Variants in TCP11L2 observed in about 807,000 individuals in gnomAD.
The protein encoded by TCP11L2 is T-complex protein 11-like protein 2.
Under a neutral mutation model 50.7 loss-of-function variants are expected in TCP11L2, and 39 were observed. That is an observed-to-expected ratio of 0.77 (90% CI 0.60 to 1.01). The LOEUF (loss-of-function observed/expected upper bound fraction) is 1.01. Among genes scored for constraint, TCP11L2 ranks in the 50% least tolerant of loss-of-function variants. The pLI is 0.00. For synonymous variants in TCP11L2, 192 were observed against 219.3 expected (o/e 0.88, Z 1.10); for missense variants, 612 against 614.7 (o/e 1.00, Z 0.05).
At chr12:106,319,113 T>A (rs7131743) in intron 4 of TCP11L2, among the ~76,000 whole-genome samples, 5,362 of 152,112 alleles carry the variant, frequency 0.035, 318 homozygotes, top group African/African-American at 0.12. Flanking sequence ...GGGTTTCACC[T>A]TGTTAGCCAG....
At chr12:106,311,347 A>G in intron 2 of TCP11L2, 115 bp downstream of exon 2, 1 of 1,226,586 alleles carries the variant, frequency 8.2e-7, no homozygotes. Flanking sequence ...TTCTAGATGC[A>G]CCAGAATAGC....
chr12:106,299,642 C>T (rs2034381823), upstream of TCP11L2, among the ~76,000 whole-genome samples: 1 of 152,142 alleles, frequency 6.6e-6, no homozygotes, highest in Non-Finnish European at 1.5e-5. Flanking sequence ...TAATGAGAAG[C>T]TCAGAAACTC....
intron 9 of TCP11L2, among the ~76,000 whole-genome samples, chr12:106,344,488 G>A (rs2036176905): frequency 2.0e-5 from 3 of 152,158 alleles, no homozygotes; most frequent in African/African-American, 7.2e-5. Flanking sequence ...CTTTTGGCAC[G>A]ACATTGAAGG....
At chr12:106,313,371 A>G (rs1321005741) in intron 2 of TCP11L2, among the ~76,000 whole-genome samples, 1 of 152,184 alleles carries the variant, frequency 6.6e-6, no homozygotes, top group African/African-American at 2.4e-5. Flanking sequence ...ATCTGAGGTC[A>G]GGAGTTCGAG....
chr12:106,340,286 T>C (rs1041437385), intron 8 of TCP11L2, among the ~76,000 whole-genome samples: 3 of 152,340 alleles, frequency 2.0e-5, no homozygotes, highest in African/African-American at 7.2e-5. Context: ...TTGGAGATTA[T>C]TTATCAGTTA....
chr12:106,332,322 A>C (rs1317982072), intron 6 of TCP11L2, among the ~76,000 whole-genome samples: 1 of 152,240 alleles, frequency 6.6e-6, no homozygotes, highest in South Asian at 2.1e-4. Context: ...CAAGAATTGT[A>C]AACTTACATT....
At chr12:106,329,571 A>C in intron 6 of TCP11L2, 2 of 1,400,244 alleles carry the variant, frequency 1.4e-6, no homozygotes, top group Non-Finnish European at 1.9e-6. Context: ...GAATAAATCA[A>C]AGTCTCCAGG....
intron 6 of TCP11L2, chr12:106,329,421 T>C: frequency 6.5e-7 from 1 of 1,535,602 alleles, no homozygotes; most frequent in Non-Finnish European, 8.7e-7. Flanking sequence ...GAGTGAAGTC[T>C]CTGCCGATCC....
intron 6 of TCP11L2, among the ~76,000 whole-genome samples, chr12:106,330,841 G>A (rs190621419): frequency 9.2e-5 from 14 of 152,270 alleles, no homozygotes; most frequent in Admixed American, 3.3e-4. Flanking sequence ...AACTCTGTGT[G>A]AGTTGTTTGT....
chr12:106,325,847 C>A (rs1212322881), intron 6 of TCP11L2: 1 of 135,450 alleles, frequency 7.4e-6, no homozygotes, highest in Non-Finnish European at 1.5e-5. Context: ...GCCAAGGTCG[C>A]ATCATTGCAC....
chr12:106,341,096 T>A, intron 9 of TCP11L2, 98 bp downstream of exon 9: 1 of 968,294 alleles, frequency 1.0e-6, no homozygotes, highest in Non-Finnish European at 1.6e-6. Context: ...TTAAACACAT[T>A]ACCCACTTTT....
chr12:106,310,958 C>A, intron 1 of TCP11L2, 83 bp from the exon 2 acceptor site: 1 of 1,237,070 alleles, frequency 8.1e-7, no homozygotes, highest in Non-Finnish European at 1.1e-6. Flanking sequence ...CTTGTGGGGA[C>A]AGTTGTCTAC....
chr12:106,319,228 C>G (rs752444126), intron 4 of TCP11L2, among the ~76,000 whole-genome samples: 1 of 152,158 alleles, frequency 6.6e-6, no homozygotes, highest in African/African-American at 2.4e-5. Flanking sequence ...TCTTTTATAA[C>G]AGTACAGTTC....
chr12:106,342,376 A>G (rs1051712624), intron 9 of TCP11L2, among the ~76,000 whole-genome samples: 1 of 152,160 alleles, frequency 6.6e-6, no homozygotes, highest in Non-Finnish European at 1.5e-5. Flanking sequence ...TAACAATAAC[A>G]GATTATGACC....
chr12:106,311,137 C>T lies in TCP11L2; in HGVS notation c.62C>T (p.Ser21Phe), dbSNP rs35252097. 9 of 1,614,076 alleles carry T rather than the reference C, an allele frequency of 5.6e-6. No individual in the cohort carries two copies. The highest frequency in any genetic ancestry group is 5.5e-5 in the South Asian group (5 of 91,090). The change falls in exon 2 of 10, where the codon TCC becomes TTC. Residue 21 changes from serine (S) to phenylalanine (F), a missense_variant. Physicochemically the swap from Ser to Phe is radical, Grantham distance 155 (BLOSUM62 -2). Transcript: ENST00000299045. Reference protein sequence around the residue: ...GEDQPSDSDSSRFSESMASLS... With the variant: ...GEDQPSDSDSFRFSESMASLS... Reference sequence around the variant, plus strand: ...GACCAGCCAAGCGATTCTGATTCTTCCCGGTTTTCCGAAAGCATGGCTTCG... The same window carrying T: ...GACCAGCCAAGCGATTCTGATTCTTTCCGGTTTTCCGAAAGCATGGCTTCG...
Position 106,312,603 on chromosome 12 carries a change from C to A in TCP11L2, c.157+1371C>A, listed in dbSNP as rs899013026. On this transcript the variant is annotated intron_variant, in intron 2 of 9. Coordinates refer to ENST00000299045, the MANE Select transcript of TCP11L2 (RefSeq NM_152772.3). ...TCATCTTCTCCTAAAAATTAGGTAG[C>A]CAGGCGCAGTGGCTCACACCTGTAA... 3.3e-5 allele frequency among the ~76,000 whole-genome samples: 5 copies of A among 152,120 alleles called. 1 individual carries two copies. The highest frequency in any genetic ancestry group is 7.4e-5 in the Non-Finnish European group (5 of 68,024).
At position 106,340,800 on chromosome 12, in the gene TCP11L2, G is replaced by T. The variant is rs1253608306; in HGVS notation, c.1143-26G>T. 4 of 1,548,876 alleles carry T rather than the reference G, an allele frequency of 2.6e-6. No homozygotes were observed. In the Admixed American group the frequency reaches 6.6e-5, roughly 26 times the overall value. Reference sequence around the variant, plus strand: ...ACTTGATGAACAAAAACTTTCCCTGGTGGAATTTCATTTTATGTTTCATAG... The same window carrying T: ...ACTTGATGAACAAAAACTTTCCCTGTTGGAATTTCATTTTATGTTTCATAG... On this transcript the variant is annotated intron_variant, in intron 8 of 9. Coordinates refer to ENST00000299045, the MANE Select transcript of TCP11L2 (RefSeq NM_152772.3).
intron 3 of TCP11L2, 106 bp from the exon 4 acceptor site, chr12:106,318,238 C>G (rs2035174314): frequency 7.6e-7 from 1 of 1,313,006 alleles, no homozygotes; most frequent in African/African-American, 1.5e-5. Flanking sequence ...GACAATTATT[C>G]TGTGTTTTTT....
chr12:106,316,559 C>G (rs2035090564), intron 3 of TCP11L2, among the ~76,000 whole-genome samples: 1 of 152,122 alleles, frequency 6.6e-6, no homozygotes, highest in Non-Finnish European at 1.5e-5. Context: ...TTGCTCTCCC[C>G]TTCTGAGTCT....
Sources: allele counts gnomAD v4.1 joint callset (sites outside exome capture counted in the v4.1 genomes callset), GRCh38; gene constraint gnomAD v4.1.1; transcripts MANE v1.5; gene names NCBI Gene and HGNC (gene_info 2026-07-23, HGNC 2026-07-21).